PRKN: variants seen among roughly 807,000 people sequenced by gnomAD.
The protein encoded by PRKN is E3 ubiquitin-protein ligase parkin.
Under a neutral mutation model 59.5 loss-of-function variants are expected in PRKN, and 56 were observed. The observed-to-expected ratio is 0.94, with a 90% confidence interval of 0.76 to 1.18. The LOEUF (loss-of-function observed/expected upper bound fraction) is 1.18. Ranked by LOEUF, PRKN falls within the 50% of genes most tolerant of loss-of-function variation. PRKN has a pLI of 0.00. For synonymous variants in PRKN, 250 were observed against 222.1 expected (o/e 1.13, Z -1.12); for missense variants, 657 against 596.4 (o/e 1.10, Z -1.06).
At chr6:162,398,566 T>C (rs1787602421) in intron 2 of PRKN, among the ~76,000 whole-genome samples, 1 of 152,148 alleles carries the variant, frequency 6.6e-6, no homozygotes, top group Admixed American at 6.5e-5. Context: ...AATTTTTGTA[T>C]TTTTAGTAAA....
intron 1 of PRKN, among the ~76,000 whole-genome samples, chr6:162,503,412 C>A (rs919352594): frequency 1.3e-5 from 2 of 152,050 alleles, no homozygotes; most frequent in Non-Finnish European, 2.9e-5. Flanking sequence ...GATCTTCCTG[C>A]CTCAGCCTCC....
chr6:162,185,330 A>C (rs2128324437), intron 4 of PRKN, among the ~76,000 whole-genome samples: 1 of 152,268 alleles, frequency 6.6e-6, no homozygotes, highest in South Asian at 2.1e-4. Flanking sequence ...ATAGAACCTA[A>C]CATTTGTGCC....
intron 6 of PRKN, among the ~76,000 whole-genome samples, chr6:161,817,006 G>T (rs368273592): frequency 4.9e-4 from 74 of 152,046 alleles, no homozygotes; most frequent in African/African-American, 1.7e-3. Context: ...ACACACACAC[G>T]CACATGCACA....
intron 1 of PRKN, among the ~76,000 whole-genome samples, chr6:162,549,490 T>C (rs1035210600): frequency 1.3e-5 from 2 of 152,154 alleles, no homozygotes; most frequent in Non-Finnish European, 2.9e-5. Flanking sequence ...TTCTAGAATT[T>C]TGAATTTATT....
Position 161,868,222 on chromosome 6 carries a change from G to A in PRKN, c.735-82314C>T, listed in dbSNP as rs75870652. On this transcript the variant is annotated intron_variant, in intron 6 of 11. Coordinates refer to ENST00000366898, the MANE Select transcript of PRKN (RefSeq NM_004562.3). Reference sequence around the variant, plus strand: ...AGCTACCAATTTACTATTGTTTTACGTATAGTATACACAATTATAAGACGC... The same window carrying A: ...AGCTACCAATTTACTATTGTTTTACATATAGTATACACAATTATAAGACGC... Among the ~76,000 whole-genome samples, 497 of 151,284 alleles carry A rather than the reference G, an allele frequency of 3.3e-3. 3 individuals carry two copies. Among genetic ancestry groups the A allele is most frequent in the African/African-American group, 0.012 (477 of 40,788 alleles).
chr6:162,717,534 C>T (rs1778775653), intron 1 of PRKN, among the ~76,000 whole-genome samples: 1 of 148,392 alleles, frequency 6.7e-6, no homozygotes, highest in Non-Finnish European at 1.5e-5. Flanking sequence ...CCACTGCACT[C>T]CAGTCTGAGT....
rs1401631518 is a variant in PRKN at position 161,570,138 on chromosome 6, A to AT, written c.872-723_872-722insA. ...AAGTAAATAGGTAAAAAAAAAAAAA[A>AT]AAAAAAAAATATATATATATATATA... On this transcript the variant is annotated intron_variant, in intron 7 of 11. Transcript: ENST00000366898. Among the ~76,000 whole-genome samples, 342 of 132,700 alleles carry AT rather than the reference A, an allele frequency of 2.6e-3. 1 individual carries two copies. The highest frequency in any genetic ancestry group is 3.8e-3 in the Non-Finnish European group (240 of 62,722). The allele number at this position is 132,700 out of a possible 152,430, so 87.1% of individuals were successfully genotyped here.
At chr6:161,795,832 T>C (rs1426089883) in intron 6 of PRKN, among the ~76,000 whole-genome samples, 1 of 152,018 alleles carries the variant, frequency 6.6e-6, no homozygotes, top group Non-Finnish European at 1.5e-5. Context: ...ACCAAGAAAC[T>C]ATAGGGAAGT....
intron 2 of PRKN, among the ~76,000 whole-genome samples, chr6:162,281,748 T>G (rs190192947): frequency 6.3e-4 from 96 of 152,324 alleles, no homozygotes; most frequent in African/African-American, 2.2e-3. Context: ...CTAAAGTGAA[T>G]AAGCATAATA....
chr6:161,724,680 A>C (rs1381030633), intron 7 of PRKN, among the ~76,000 whole-genome samples: 1 of 152,192 alleles, frequency 6.6e-6, no homozygotes, highest in African/African-American at 2.4e-5. Flanking sequence ...CAGGGTGAAA[A>C]ATATGAACAC....
At chr6:161,809,268 G>A (rs563638695) in intron 6 of PRKN, among the ~76,000 whole-genome samples, 1 of 150,000 alleles carries the variant, frequency 6.7e-6, no homozygotes, top group African/African-American at 2.5e-5. Flanking sequence ...GGGGGGGAAG[G>A]GGGATGACTC....
chr6:162,106,550 ATC>A (rs765723786), intron 4 of PRKN, among the ~76,000 whole-genome samples: 171 of 152,330 alleles, frequency 1.1e-3, no homozygotes, highest in Non-Finnish European at 1.9e-3. Flanking sequence ...ATTTTGAATC[ATC>A]TGTTTCTCTT....
chr6:162,018,876 C>G lies in PRKN; in HGVS notation c.618+35215G>C, dbSNP rs181967474. 5.4e-3 allele frequency among the ~76,000 whole-genome samples: 824 copies of G among 152,248 alleles called. 2 individuals are homozygous for G. The highest frequency in any genetic ancestry group is 0.014 in the Admixed American group (210 of 15,296). On this transcript the variant is annotated intron_variant, in intron 5 of 11. Transcript: ENST00000366898. ...TAAATATAAAATCTAGAGCACTACA[C>G]TTAGCAAGTCACCTGTTTTTATATT...
intron 6 of PRKN, among the ~76,000 whole-genome samples, chr6:161,891,498 T>C (rs1221364101): frequency 6.6e-6 from 1 of 152,148 alleles, no homozygotes; most frequent in Non-Finnish European, 1.5e-5. Flanking sequence ...TTCTCCTGGG[T>C]CCCTAAACAT....
At chr6:162,725,814 C>T (rs1051458279) in intron 1 of PRKN, among the ~76,000 whole-genome samples, 4 of 150,808 alleles carry the variant, frequency 2.7e-5, no homozygotes, top group Non-Finnish European at 5.9e-5. Flanking sequence ...CAGAATTAGG[C>T]AATGCAACTA....
At chr6:161,871,783 A>AT (rs892393389) in intron 6 of PRKN, among the ~76,000 whole-genome samples, 1 of 152,122 alleles carries the variant, frequency 6.6e-6, no homozygotes, top group Admixed American at 6.6e-5. Flanking sequence ...TTAAGCATGT[A>AT]TTTCTCAGCT....
intron 1 of PRKN, among the ~76,000 whole-genome samples, chr6:162,449,153 C>T (rs1790469737): frequency 6.6e-6 from 1 of 152,176 alleles, no homozygotes; most frequent in Non-Finnish European, 1.5e-5. Context: ...TCCCTAAGTG[C>T]TGGTATTACA....
chr6:161,606,845 C>A (rs554373552), intron 7 of PRKN, among the ~76,000 whole-genome samples: 2 of 152,196 alleles, frequency 1.3e-5, no homozygotes, highest in Admixed American at 1.3e-4. Context: ...TCCCACCCCC[C>A]AGCCTATGAA....
intron 1 of PRKN, among the ~76,000 whole-genome samples, chr6:162,662,360 AT>A (rs577732697): frequency 2.0e-5 from 3 of 148,848 alleles, no homozygotes; most frequent in Non-Finnish European, 3.0e-5. Context: ...TTTTTTTTCC[AT>A]TCTGTAAGTT....
Sources: gnomAD v4.1 joint callset for allele counts (sites outside exome capture counted in the v4.1 genomes callset) on GRCh38, gnomAD v4.1.1 for gene constraint, MANE v1.5 for transcripts, NCBI Gene and HGNC (gene_info 2026-07-23, HGNC 2026-07-21) for gene names.